Variants in ADAMTS3 observed in about 807,000 individuals in gnomAD.
ADAMTS3 encodes A disintegrin and metalloproteinase with thrombospondin motifs 3.
Under a neutral mutation model 129.0 loss-of-function variants are expected in ADAMTS3, and 73 were observed. The ratio of observed to expected loss-of-function variants is 0.57; its 90% confidence interval spans 0.47 to 0.69. The LOEUF is 0.69. ADAMTS3 is among the 30% of genes least tolerant of loss of function. The pLI is 0.00. For missense variants in ADAMTS3, 1,457 were observed against 1,514.5 expected, an observed-to-expected ratio of 0.96 and a Z score of 0.63; for synonymous variants, 477 against 510.8, an observed-to-expected ratio of 0.93 and a Z score of 0.89.
Position 72,548,613 on chromosome 4 carries a change from G to A in ADAMTS3, c.369C>T (p.Pro123=), listed in dbSNP as rs566145254. 1.9e-6 allele frequency: 3 copies of A among 1,614,008 alleles called. No individual in the cohort carries two copies. In the East Asian group the frequency reaches 6.7e-5, roughly 36 times the overall value. ...TSLVPGNITD[P]INNHQPGSAT... ...CACTTCCTGGTTGATGGTTGTTAAT[G>A]GGATCGGTTATATTCCCAGGCACCA... The change falls in exon 3 of 22, where the codon CCC becomes CCT. Residue 123 remains proline, a synonymous_variant. Coordinates refer to ENST00000286657, the MANE Select transcript of ADAMTS3 (RefSeq NM_014243.3).
chr4:72,369,076 T>C (rs1017483035), intron 4 of ADAMTS3, among the ~76,000 whole-genome samples: 2 of 152,138 alleles, frequency 1.3e-5, no homozygotes, highest in Non-Finnish European at 2.9e-5. Context: ...AACACACAGA[T>C]TGCAAAGAAT....
chr4:72,288,675 C>A (rs922908996), intron 21 of ADAMTS3, 76 bp downstream of exon 21: 3 of 932,874 alleles, frequency 3.2e-6, no homozygotes, highest in African/African-American at 1.6e-5. Flanking sequence ...AATTCTATAA[C>A]TTCTCTCAAA....
At chr4:72,363,735 G>A (rs941863424) in intron 4 of ADAMTS3, among the ~76,000 whole-genome samples, 11 of 150,670 alleles carry the variant, frequency 7.3e-5, no homozygotes, top group African/African-American at 1.5e-4. Context: ...CATACCAAAC[G>A]TTATAAAAAA....
chr4:72,299,310 A>C (rs1285295693), intron 17 of ADAMTS3, among the ~76,000 whole-genome samples: 1 of 152,024 alleles, frequency 6.6e-6, no homozygotes, highest in Non-Finnish European at 1.5e-5. Context: ...GAAGGCCCTG[A>C]CTTTACCACA....
At chr4:72,309,648 T>C in intron 14 of ADAMTS3, 128 bp from the exon 15 acceptor site, 2 of 979,244 alleles carry the variant, frequency 2.0e-6, no homozygotes. Context: ...ACTGCCACTG[T>C]AGTCATAATT....
chr4:72,316,861 A>C (rs1279633789), intron 10 of ADAMTS3, among the ~76,000 whole-genome samples: 5 of 152,296 alleles, frequency 3.3e-5, no homozygotes, highest in Admixed American at 3.3e-4. Flanking sequence ...TTCTCATACC[A>C]ATCCATTGCT....
chr4:72,325,720 C>G (rs1719682433), intron 5 of ADAMTS3, among the ~76,000 whole-genome samples: 1 of 152,176 alleles, frequency 6.6e-6, no homozygotes, highest in Admixed American at 6.6e-5. Flanking sequence ...GAGGCACTTA[C>G]AGCCAATGCA....
At chr4:72,401,566 C>CAAAAAAAAAAAAAAAAAAA (rs374322807) in intron 4 of ADAMTS3, among the ~76,000 whole-genome samples, 40 of 36,944 alleles carry the variant, frequency 1.1e-3, no homozygotes, top group Non-Finnish European at 1.5e-3. Flanking sequence ...TACTCTGTCT[C>CAAAAAAAAAAAAAAAAAAA]AAAAAAAAAA....
intron 3 of ADAMTS3, among the ~76,000 whole-genome samples, chr4:72,472,928 A>C (rs770799987): frequency 8.5e-5 from 13 of 152,204 alleles, no homozygotes; most frequent in African/African-American, 2.4e-5. Flanking sequence ...GTATGAGTGA[A>C]AGAGAAATTC....
rs142756184 is a variant in ADAMTS3 at position 72,514,108 on chromosome 4, C to T, written c.504+34370G>A. ...TCCTTCTCTCTCTCTCTCTCAGTAA[C>T]GCCTCTCAATTTAATTGGTGTAACA... On this transcript the variant is annotated intron_variant, in intron 3 of 21. Transcript: ENST00000286657. Among the ~76,000 whole-genome samples, 872 of 152,136 alleles carry T rather than the reference C, an allele frequency of 5.7e-3. 2 individuals carry two copies. Among genetic ancestry groups the T allele is most frequent in the African/African-American group, 0.02 (836 of 41,500 alleles).
chr4:72,525,551 C>A (rs1171669863), intron 3 of ADAMTS3, among the ~76,000 whole-genome samples: 3 of 152,028 alleles, frequency 2.0e-5, no homozygotes, highest in Non-Finnish European at 2.9e-5. Flanking sequence ...TTCGCCTCAC[C>A]CTCCAAAGAA....
chr4:72,311,907 T>G (rs1719244883), intron 13 of ADAMTS3, among the ~76,000 whole-genome samples: 2 of 152,170 alleles, frequency 1.3e-5, no homozygotes, highest in African/African-American at 4.8e-5. Context: ...ATGATCTTTC[T>G]CTTGGTCCTG....
chr4:72,356,642 TTCTACAGTAA>T (rs1430349058), intron 4 of ADAMTS3, among the ~76,000 whole-genome samples: 6 of 151,806 alleles, frequency 4.0e-5, no homozygotes, highest in Non-Finnish European at 5.9e-5. Flanking sequence ...TAGATAGAAA[TTCTACAGTAA>T]TCTACATATT....
chr4:72,387,901 G>C (rs977613216), intron 4 of ADAMTS3, among the ~76,000 whole-genome samples: 1 of 152,040 alleles, frequency 6.6e-6, no homozygotes, highest in Admixed American at 6.5e-5. Context: ...TTCCTAAAGA[G>C]TGCTATTTAG....
chr4:72,471,175 C>T (rs1162610123), intron 3 of ADAMTS3, among the ~76,000 whole-genome samples: 1 of 152,110 alleles, frequency 6.6e-6, no homozygotes, highest in Non-Finnish European at 1.5e-5. Flanking sequence ...GGATATGTTG[C>T]TAATGATAAA....
At chr4:72,452,556 C>T (rs1182694632) in intron 3 of ADAMTS3, among the ~76,000 whole-genome samples, 2 of 151,710 alleles carry the variant, frequency 1.3e-5, no homozygotes, top group Non-Finnish European at 2.9e-5. Flanking sequence ...TCAGCAAGGT[C>T]GACCCTTCTT....
At chr4:72,520,097 G>A (rs1354129230) in intron 3 of ADAMTS3, among the ~76,000 whole-genome samples, 1 of 152,216 alleles carries the variant, frequency 6.6e-6, no homozygotes, top group African/African-American at 2.4e-5. Context: ...GTTTGCTAGA[G>A]GTCCACTTCA....
At chr4:72,363,269 T>G (rs2109857606) in intron 4 of ADAMTS3, among the ~76,000 whole-genome samples, 1 of 152,212 alleles carries the variant, frequency 6.6e-6, no homozygotes, top group East Asian at 1.9e-4. Flanking sequence ...TGGTAAAATT[T>G]GTTGGAAAAT....
chr4:72,378,235 G>A (rs1721184180), intron 4 of ADAMTS3, among the ~76,000 whole-genome samples: 1 of 152,096 alleles, frequency 6.6e-6, no homozygotes. Flanking sequence ...CTAAGCCTAT[G>A]AATGAAGCAT....
Sources: allele counts gnomAD v4.1 joint callset (sites outside exome capture counted in the v4.1 genomes callset), GRCh38; gene constraint gnomAD v4.1.1; transcripts MANE v1.5; gene names NCBI Gene and HGNC (gene_info 2026-07-23, HGNC 2026-07-21).